AGTPBP1: variants seen among roughly 807,000 people sequenced by gnomAD.
The protein encoded by AGTPBP1 is ATP/GTP binding carboxypeptidase 1, also known as cytosolic carboxypeptidase 1.
A neutral mutation model predicts 143.9 loss-of-function variants in AGTPBP1; 70 were observed. The ratio of observed to expected loss-of-function variants is 0.49; its 90% CI spans 0.40 to 0.59. The LOEUF (loss-of-function observed/expected upper bound fraction) is 0.59, where lower values mean the gene tolerates loss of function less well. Among genes scored for constraint, AGTPBP1 ranks in the 20% least tolerant of loss-of-function variants. The pLI, the probability that AGTPBP1 is intolerant of heterozygous loss-of-function variation, is 0.00. For missense variants in AGTPBP1, 1,229 were observed against 1,464.5 expected, an observed-to-expected ratio of 0.84 and a Z score of 2.62; for synonymous variants, 463 against 500.2, an observed-to-expected ratio of 0.93 and a Z score of 0.99.
At chr9:85,758,164 C>A in the AGTPBP1 span, among the ~76,000 whole-genome samples, 1 of 152,008 alleles carries the variant, frequency 6.6e-6, no homozygotes, top group Non-Finnish European at 1.5e-5. Flanking sequence ...ATGGACATTT[C>A]AGGAATGCCA....
chr9:85,614,974 C>T (rs193194303), intron 17 of AGTPBP1, among the ~76,000 whole-genome samples: 2 of 152,226 alleles, frequency 1.3e-5, no homozygotes, highest in South Asian at 2.1e-4. Context: ...GGCTTCTGAA[C>T]GGTATTTCGT....
chr9:85,718,849 G>A (rs1238738584), intron 1 of AGTPBP1, among the ~76,000 whole-genome samples: 2 of 152,144 alleles, frequency 1.3e-5, no homozygotes, highest in African/African-American at 4.8e-5. Flanking sequence ...TTTTGTATAA[G>A]GGGTAAGGAA....
chr9:85,602,096 G>C (rs1048901950), intron 17 of AGTPBP1, among the ~76,000 whole-genome samples: 1 of 152,004 alleles, frequency 6.6e-6, no homozygotes, highest in Non-Finnish European at 1.5e-5. Flanking sequence ...GAAAAAACAA[G>C]AAAATATGAC....
At position 85,681,307 on chromosome 9, in the gene AGTPBP1, T is replaced by A; in HGVS notation, c.186A>T (p.Lys62Asn). 1 of 1,612,246 alleles carries A rather than the reference T, an allele frequency of 6.2e-7. No homozygotes were observed. Among genetic ancestry groups the A allele is most frequent in the Non-Finnish European group, 8.5e-7 (1 of 1,179,622 alleles). The change falls in exon 4 of 26, where the codon AAA becomes AAT. Residue 62 changes from lysine (K) to asparagine (N), a missense_variant. Lys to Asn is a moderately conservative substitution (Grantham distance 94). Around this residue, in one of 2 missense-constraint regions of AGTPBP1, gnomAD observed 743 missense variants for 812.2 expected, o/e 0.91. Transcript: ENST00000357081. ...GCAGAATTTCCATTCCTGTAGAACCTTTGGCTGTCATTTCTCTCCTTGTTT... is the reference window on the plus strand; with the variant it reads ...GCAGAATTTCCATTCCTGTAGAACCATTGGCTGTCATTTCTCTCCTTGTTT... ...QEKTRREMTA[K>N]GSTGMEILLS... is the part of the protein sequence containing the mutation.
chr9:85,735,850 T>C (rs1371818055), intron 1 of AGTPBP1, among the ~76,000 whole-genome samples: 1 of 152,210 alleles, frequency 6.6e-6, no homozygotes, highest in East Asian at 1.9e-4. Flanking sequence ...TCCCTCTGGC[T>C]GACTTTATTA....
At chr9:85,764,524 C>CCAAA in the AGTPBP1 span, among the ~76,000 whole-genome samples, 3 of 151,986 alleles carry the variant, frequency 2.0e-5, no homozygotes, top group Admixed American at 2.0e-4. Flanking sequence ...GAGCAAAACT[C>CCAAA]CATGTCAAAA....
chr9:85,739,032 T>G (rs938427302), intron 1 of AGTPBP1, among the ~76,000 whole-genome samples: 2 of 152,150 alleles, frequency 1.3e-5, no homozygotes, highest in African/African-American at 4.8e-5. Flanking sequence ...TATTATGTCA[T>G]TTTTGGAGCT....
chr9:85,697,354 A>G (rs536161357), intron 2 of AGTPBP1, among the ~76,000 whole-genome samples: 29 of 151,974 alleles, frequency 1.9e-4, no homozygotes, highest in Non-Finnish European at 4.1e-4. Flanking sequence ...TTTTTAATGC[A>G]AAAACATTAT....
rs1830772828 is a variant in AGTPBP1 at position 85,619,294 on chromosome 9, T to C, written c.2107A>G (p.Ile703Val). Residue 703 changes from isoleucine (I) to valine (V), a missense_variant, in exon 16 of 26, where the codon ATT becomes GTT. This residue lies in a region of AGTPBP1 where 486 missense variants were observed against 652.3 expected (regional missense o/e 0.75). Coordinates refer to ENST00000357081, the MANE Select transcript of AGTPBP1 (RefSeq NM_001330701.2). ...TTCAAAATATCTCCCTCTTCTGGAA[T>C]GGTGTAACTAAATAAAAGTTTTAAA... Reference protein sequence around the residue: ...VYDLDNPNYTIPEEGDILKFN... With the variant: ...VYDLDNPNYTVPEEGDILKFN... The C allele has an allele frequency of 1.2e-6, 2 of 1,609,984 alleles. No homozygotes were observed. Among genetic ancestry groups the C allele is most frequent in the African/African-American group, 2.7e-5 (2 of 74,832 alleles).
intron 23 of AGTPBP1, among the ~76,000 whole-genome samples, chr9:85,581,757 C>G (rs1175132729): frequency 1.3e-5 from 2 of 152,114 alleles, no homozygotes; most frequent in African/African-American, 4.8e-5. Context: ...ATGACGTTCA[C>G]CTTATTGGAA....
At chr9:85,789,887 TCAAAA>T in the AGTPBP1 span, among the ~76,000 whole-genome samples, 2 of 152,160 alleles carry the variant, frequency 1.3e-5, no homozygotes, top group African/African-American at 4.8e-5. Context: ...GGTTCTGTGG[TCAAAA>T]CAAATTCTTA....
At chr9:85,761,217 C>G in the AGTPBP1 span, among the ~76,000 whole-genome samples, 1 of 152,174 alleles carries the variant, frequency 6.6e-6, no homozygotes, top group African/African-American at 2.4e-5. Flanking sequence ...TTTATAGATT[C>G]AATGCCATCC....
chr9:85,665,640 G>A (rs1306241784), intron 8 of AGTPBP1, among the ~76,000 whole-genome samples: 1 of 151,984 alleles, frequency 6.6e-6, no homozygotes, highest in Non-Finnish European at 1.5e-5. Flanking sequence ...CTCCCTACTG[G>A]TAGTTGTTTA....
chr9:85,625,762 G>A (rs1175346896), intron 14 of AGTPBP1, among the ~76,000 whole-genome samples: 3 of 151,696 alleles, frequency 2.0e-5, no homozygotes, highest in African/African-American at 7.3e-5. Flanking sequence ...GCACGTGCCT[G>A]TAATCCCAGC....
chr9:85,684,345 G>A (rs1365173055), intron 3 of AGTPBP1, among the ~76,000 whole-genome samples: 3 of 152,194 alleles, frequency 2.0e-5, no homozygotes, highest in Non-Finnish European at 2.9e-5. Context: ...ATGGCAGAGA[G>A]GAGCAGGACA....
At chr9:85,731,983 A>G (rs1450060585) in intron 1 of AGTPBP1, among the ~76,000 whole-genome samples, 2 of 152,166 alleles carry the variant, frequency 1.3e-5, no homozygotes, top group African/African-American at 2.4e-5. Context: ...GCTTTGTGAC[A>G]TTTCCATTTT....
At chr9:85,658,750 T>G (rs779881767) in intron 9 of AGTPBP1, among the ~76,000 whole-genome samples, 1 of 152,110 alleles carries the variant, frequency 6.6e-6, no homozygotes, top group Non-Finnish European at 1.5e-5. Context: ...TAATTCCCTT[T>G]CAGAACTATG....
At chr9:85,659,105 A>G (rs182800605) in intron 9 of AGTPBP1, among the ~76,000 whole-genome samples, 2 of 152,298 alleles carry the variant, frequency 1.3e-5, no homozygotes, top group Admixed American at 6.5e-5. Flanking sequence ...ATTCTTCACA[A>G]ATAAGTAAGA....
At chr9:85,715,986 C>T (rs1230301018) in intron 1 of AGTPBP1, among the ~76,000 whole-genome samples, 1 of 152,120 alleles carries the variant, frequency 6.6e-6, no homozygotes, top group African/African-American at 2.4e-5. Context: ...AGGAAAAAAA[C>T]TTTCTCGCTC....
Sources: gnomAD v4.1 joint callset for allele counts (sites outside exome capture counted in the v4.1 genomes callset) on GRCh38, gnomAD v4.1.1 for gene constraint, gnomAD v4.1.1 regional missense constraint, MANE v1.5 for transcripts, NCBI Gene and HGNC (gene_info 2026-07-23, HGNC 2026-07-21) for gene names.